ADGRL2: variants seen among roughly 807,000 people sequenced by gnomAD.
ADGRL2 encodes the protein calcium-independent alpha-latrotoxin receptor 2.
ADGRL2 carries 44 observed loss-of-function variants against 157.4 expected under a neutral mutation model. The observed-to-expected ratio is 0.28, with a 90% CI of 0.22 to 0.36. The LOEUF is 0.36. Ranked by LOEUF, ADGRL2 falls within the 10% of genes least tolerant of loss-of-function variation. ADGRL2 has a pLI of 1.00. For missense variants in ADGRL2, 1,510 were observed against 1,768.9 expected (o/e 0.85, Z 2.63); for synonymous variants, 585 against 624.7 (o/e 0.94, Z 0.95).
intron 2 of ADGRL2, among the ~76,000 whole-genome samples, chr1:81,895,377 T>A (rs1384165565): frequency 1.3e-5 from 2 of 151,130 alleles, no homozygotes; most frequent in Non-Finnish European, 2.9e-5. Context: ...ACTCATGTGA[T>A]TCAATTTAAA....
At chr1:81,855,615 C>T (rs1016097643) in intron 2 of ADGRL2, among the ~76,000 whole-genome samples, 1 of 151,538 alleles carries the variant, frequency 6.6e-6, no homozygotes, top group African/African-American at 2.4e-5. Flanking sequence ...ATTTTCAATG[C>T]GAATATGTTG....
intron 1 of ADGRL2, among the ~76,000 whole-genome samples, chr1:81,383,200 A>G (rs990615902): frequency 6.6e-6 from 1 of 152,208 alleles, no homozygotes; most frequent in Admixed American, 6.5e-5. Context: ...ACGTTATTCT[A>G]AATGGAAAAC....
chr1:81,846,732 A>T (rs2092805353), intron 2 of ADGRL2, among the ~76,000 whole-genome samples: 1 of 151,948 alleles, frequency 6.6e-6, no homozygotes, highest in African/African-American at 2.4e-5. Flanking sequence ...AATCTAAGCC[A>T]GGTGTTAGAT....
chr1:81,662,975 C>T (rs684040), intron 3 of ADGRL2, among the ~76,000 whole-genome samples: 48,359 of 151,682 alleles, frequency 0.32, 8,351 homozygotes, highest in African/African-American at 0.45. Flanking sequence ...CCAGAGACTG[C>T]CACTTTGAAA....
chr1:81,371,295 T>C (rs938696238), intron 1 of ADGRL2, among the ~76,000 whole-genome samples: 1 of 152,152 alleles, frequency 6.6e-6, no homozygotes, highest in African/African-American at 2.4e-5. Flanking sequence ...AAGTCTATTT[T>C]TAAATACCAA....
intron 2 of ADGRL2, among the ~76,000 whole-genome samples, chr1:81,455,875 T>C (rs2077795096): frequency 6.6e-6 from 1 of 152,204 alleles, no homozygotes. Context: ...TAGTGAAATA[T>C]TATAAACGAT....
chr1:81,433,238 C>T (rs927599036), intron 1 of ADGRL2, among the ~76,000 whole-genome samples: 2 of 152,092 alleles, frequency 1.3e-5, no homozygotes, highest in African/African-American at 2.4e-5. Context: ...CATGTGATTT[C>T]CTATTTTACT....
At chr1:81,449,796 G>T (rs2077672421) in intron 2 of ADGRL2, among the ~76,000 whole-genome samples, 1 of 151,954 alleles carries the variant, frequency 6.6e-6, no homozygotes, top group African/African-American at 2.4e-5. Flanking sequence ...TCACCATGTT[G>T]CCCAGGCTGG....
intron 10 of ADGRL2, 33 bp from the exon 11 acceptor site, chr1:81,955,844 T>G (rs1653339570): frequency 6.9e-7 from 1 of 1,449,230 alleles, no homozygotes; most frequent in Non-Finnish European, 9.3e-7. Context: ...CTAAAAGCGG[T>G]CAAAACTAAT....
chr1:81,482,610 C>T, intron 2 of ADGRL2, among the ~76,000 whole-genome samples: 1 of 152,174 alleles, frequency 6.6e-6, no homozygotes, highest in South Asian at 2.1e-4. Context: ...GCGTTTCCAT[C>T]GCTATCAGTG....
intron 1 of ADGRL2, among the ~76,000 whole-genome samples, chr1:81,361,364 A>T (rs1262268432): frequency 6.6e-6 from 1 of 151,936 alleles, no homozygotes. Flanking sequence ...TTTGGGCTAC[A>T]TTCTTGCTGA....
chr1:81,791,610 C>T (rs866621166), intron 2 of ADGRL2, among the ~76,000 whole-genome samples: 8 of 150,316 alleles, frequency 5.3e-5, no homozygotes, highest in Non-Finnish European at 7.4e-5. Context: ...GGAAAAAAAA[C>T]GGGATGGAAT....
chr1:81,808,219 C>A (rs998731369), intron 1 of ADGRL2, among the ~76,000 whole-genome samples: 3 of 151,812 alleles, frequency 2.0e-5, no homozygotes, highest in Non-Finnish European at 4.4e-5. Flanking sequence ...TAAGTAAAAT[C>A]CCATCACACT....
At chr1:81,946,250 A>T (rs1649789731) in intron 6 of ADGRL2, among the ~76,000 whole-genome samples, 1 of 151,830 alleles carries the variant, frequency 6.6e-6, no homozygotes, top group Admixed American at 6.6e-5. Context: ...GGACTGTTTA[A>T]TAATATATTA....
At chr1:81,514,688 GCTT>G (rs1440403043) in intron 2 of ADGRL2, 1 of 152,130 alleles carries the variant, frequency 6.6e-6, no homozygotes, top group African/African-American at 2.4e-5. Flanking sequence ...TTTTCTGAAT[GCTT>G]CTTATTTGCC....
chr1:81,987,383 C>T lies in ADGRL2; in HGVS notation c.3637+354C>T, dbSNP rs761328817. On this transcript the variant is annotated intron_variant, in intron 22 of 23. Coordinates refer to ENST00000686636, the MANE Select transcript of ADGRL2 (RefSeq NM_001366006.2). ...ATATACTGTTCAGTTAATTCTAAAG[C>T]TTGCTGACAAAATTTGCTTCTGGAA... 2.3e-6 allele frequency: 3 copies of T among 1,281,040 alleles called. No homozygotes were observed. The East Asian group carries it at 6.9e-5, about 30-fold the overall frequency. 79.4% of individuals were successfully genotyped at this position (1,281,040 alleles called of 1,614,324 possible).
At chr1:81,640,802 A>G (rs1000832135) in intron 3 of ADGRL2, among the ~76,000 whole-genome samples, 2 of 152,128 alleles carry the variant, frequency 1.3e-5, no homozygotes, top group Non-Finnish European at 2.9e-5. Flanking sequence ...CCTTCCAAAA[A>G]TCAGGAACTA....
At chr1:81,946,927 A>G (rs1650068192) in intron 6 of ADGRL2, among the ~76,000 whole-genome samples, 1 of 152,286 alleles carries the variant, frequency 6.6e-6, no homozygotes, top group East Asian at 1.9e-4. Context: ...TTGTCTTCAA[A>G]CCCTTTCATG....
At chr1:81,662,645 C>A (rs1386790020) in intron 3 of ADGRL2, among the ~76,000 whole-genome samples, 1 of 151,956 alleles carries the variant, frequency 6.6e-6, no homozygotes, top group Non-Finnish European at 1.5e-5. Flanking sequence ...ACCTCCACCT[C>A]CCAGGTTCAA....
Sources: allele counts gnomAD v4.1 joint callset (sites outside exome capture counted in the v4.1 genomes callset), GRCh38; gene constraint gnomAD v4.1.1; transcripts MANE v1.5; gene names NCBI Gene and HGNC (gene_info 2026-07-23, HGNC 2026-07-21).